Variants in SORCS3 observed in about 807,000 individuals in gnomAD.
The protein encoded by SORCS3 is VPS10 domain-containing receptor SorCS3.
In SORCS3, 57 loss-of-function variants were observed where a neutral mutation model predicts 146.3. The ratio of observed to expected loss-of-function variants is 0.39; its 90% CI spans 0.31 to 0.49. SORCS3 has a LOEUF of 0.49. Among genes scored for constraint, SORCS3 ranks in the 20% least tolerant of loss-of-function variants. The pLI, the probability that SORCS3 is intolerant of heterozygous loss-of-function variation, is 0.92. For missense variants in SORCS3, 1,341 were observed against 1,575.5 expected (o/e 0.85, Z 2.52); for synonymous variants, 653 against 618.5 (o/e 1.06, Z -0.83).
rs1309066140 is a variant in SORCS3, at chr10:105,211,167, C to T, written c.2292C>T (p.Ser764=). ...ATGGGTATGAGAGACATGGGGAGAG[C>T]CAGTGTGTCCCAGCTTTCTGGTACA... ...CDYGYERHGE[S]QCVPAFWYNP... Residue 764 remains serine (S), a synonymous_variant, in exon 17 of 27, where the codon AGC becomes AGT. Coordinates refer to ENST00000369701, the MANE Select transcript of SORCS3 (RefSeq NM_014978.3). The T allele has an allele frequency of 1.2e-6, 2 of 1,613,922 alleles. No individual in the cohort carries two copies. The highest frequency in any genetic ancestry group is 1.7e-6 in the Non-Finnish European group (2 of 1,179,866).
At chr10:104,936,815 C>A (rs554844616) in intron 3 of SORCS3, among the ~76,000 whole-genome samples, 3 of 152,254 alleles carry the variant, frequency 2.0e-5, no homozygotes, top group African/African-American at 7.2e-5. Flanking sequence ...CAACATGGTG[C>A]CAGGTACAGG....
At chr10:104,915,596 G>A (rs180900289) in intron 2 of SORCS3, among the ~76,000 whole-genome samples, 32 of 152,252 alleles carry the variant, frequency 2.1e-4, no homozygotes, top group Non-Finnish European at 4.1e-4. Context: ...ACTTCACAAA[G>A]GGCGAAAAAG....
chr10:104,815,210 A>G (rs938032289), intron 1 of SORCS3, among the ~76,000 whole-genome samples: 11 of 152,174 alleles, frequency 7.2e-5, no homozygotes, highest in Non-Finnish European at 1.2e-4. Context: ...CTCTAATCCC[A>G]GTACTTCAGG....
rs542814758 is a variant in SORCS3, at chr10:104,957,506, G to A, written c.796-19829G>A. Among the ~76,000 whole-genome samples the A allele has an allele frequency of 6.6e-5, 10 of 151,976 alleles. No individual in the cohort carries two copies. The East Asian group carries it at 1.7e-3, about 26-fold the overall frequency. ...TCCTTAATAACAACAAAAAGTTTGC[G>A]AGGGTTTGTGTGGTATTGTTTTCTT... On this transcript the variant is annotated intron_variant, in intron 3 of 26. Coordinates refer to ENST00000369701, the MANE Select transcript of SORCS3 (RefSeq NM_014978.3).
At chr10:104,964,861 C>T (rs1036972821) in intron 3 of SORCS3, among the ~76,000 whole-genome samples, 3 of 152,116 alleles carry the variant, frequency 2.0e-5, no homozygotes, top group African/African-American at 7.2e-5. Flanking sequence ...AACTAAACAA[C>T]AACTCCTCAT....
chr10:104,891,526 T>C (rs1459574752), intron 2 of SORCS3, among the ~76,000 whole-genome samples: 1 of 152,180 alleles, frequency 6.6e-6, no homozygotes, highest in Non-Finnish European at 1.5e-5. Context: ...CTGAAAACTC[T>C]GTCCATGCAG....
At position 104,921,501 on chromosome 10, in the gene SORCS3, C is replaced by CTG. The variant is rs1165735331; in HGVS notation, c.795+5570_795+5571insGT. 9.3e-4 allele frequency among the ~76,000 whole-genome samples: 121 copies of CTG among 130,102 alleles called. 2 individuals are homozygous for CTG. In the East Asian group the frequency reaches 0.019, roughly 21 times the overall value. 85.4% of individuals were successfully genotyped at this position (130,102 alleles called of 152,430 possible). A position where few individuals can be genotyped will look rare whatever the true frequency, so the allele number is the denominator to read the frequency against. On this transcript the variant is annotated intron_variant, in intron 3 of 26. Coordinates refer to ENST00000369701, the MANE Select transcript of SORCS3 (RefSeq NM_014978.3). ...GAGGTACATGTCTCTCTCTCTCTCT[C>CTG]TCTGTGTGTGTGTGTGTGTGTGTGT...
chr10:104,935,313 C>T (rs1362579057), intron 3 of SORCS3, among the ~76,000 whole-genome samples: 1 of 152,200 alleles, frequency 6.6e-6, no homozygotes, highest in African/African-American at 2.4e-5. Context: ...AAGCATGTAT[C>T]ACTGCTTTCA....
chr10:104,882,203 T>A (rs1292212639), intron 2 of SORCS3, among the ~76,000 whole-genome samples: 1 of 152,204 alleles, frequency 6.6e-6, no homozygotes, highest in Non-Finnish European at 1.5e-5. Context: ...ACCTGATACC[T>A]CTGCTTTGTT....
At chr10:104,886,538 A>G (rs892979886) in intron 2 of SORCS3, among the ~76,000 whole-genome samples, 1 of 147,010 alleles carries the variant, frequency 6.8e-6, no homozygotes, top group African/African-American at 2.5e-5. Flanking sequence ...AGTTGTGTAT[A>G]TAATATATAA....
chr10:105,203,425 T>C (rs1409232450), intron 16 of SORCS3, among the ~76,000 whole-genome samples: 1 of 152,164 alleles, frequency 6.6e-6, no homozygotes, highest in Admixed American at 6.6e-5. Context: ...ATTCAGAATA[T>C]TAATTTTAGG....
chr10:105,176,392 A>T (rs201528735), intron 13 of SORCS3, among the ~76,000 whole-genome samples: 2,350 of 149,290 alleles, frequency 0.016, 30 homozygotes, highest in East Asian at 0.067. Flanking sequence ...AAAATAATTA[A>T]AAAAAAAAAA....
intron 4 of SORCS3, among the ~76,000 whole-genome samples, 181 bp from the exon 5 acceptor site, chr10:105,042,874 C>T (rs2055346415): frequency 6.6e-6 from 1 of 152,030 alleles, no homozygotes; most frequent in Non-Finnish European, 1.5e-5. Context: ...TATTGAGAAC[C>T]CACGTAATGC....
chr10:104,710,186 G>GA (rs1001970624), intron 1 of SORCS3, among the ~76,000 whole-genome samples: 6 of 152,114 alleles, frequency 3.9e-5, no homozygotes, highest in African/African-American at 1.4e-4. Flanking sequence ...CCATCTTTCA[G>GA]AAAAAACAGA....
chr10:104,933,156 A>C (rs1378793811), intron 3 of SORCS3, among the ~76,000 whole-genome samples: 2 of 152,214 alleles, frequency 1.3e-5, no homozygotes, highest in Non-Finnish European at 2.9e-5. Flanking sequence ...CCTGAAATGG[A>C]AGCATAGGAA....
Position 104,957,179 on chromosome 10 carries a change from AG to A in SORCS3, c.796-20155del, listed in dbSNP as rs146675387. On this transcript the variant is annotated intron_variant, in intron 3 of 26. Transcript: ENST00000369701. Reference sequence around the variant, plus strand: ...TGGGCTGAGTGCGGGAAGTGAAGAAAGCAAGGTGAAATGTAATTTCCTCTTT... The same window carrying A: ...TGGGCTGAGTGCGGGAAGTGAAGAAACAAGGTGAAATGTAATTTCCTCTTT... 9.2e-3 allele frequency among the ~76,000 whole-genome samples: 1,408 copies of A among 152,306 alleles called. 16 individuals are homozygous for A. Among genetic ancestry groups the A allele is most frequent in the African/African-American group, 0.032 (1,342 of 41,558 alleles).
intron 3 of SORCS3, among the ~76,000 whole-genome samples, chr10:104,945,499 T>G (rs1589560744): frequency 6.6e-6 from 1 of 152,078 alleles, no homozygotes; most frequent in Middle Eastern, 3.4e-3. Flanking sequence ...CTTCGAGTGA[T>G]CCACCTGCCT....
chr10:105,105,327 T>C, intron 6 of SORCS3, 70 bp from the exon 7 acceptor site: 1 of 940,742 alleles, frequency 1.1e-6, no homozygotes, highest in Middle Eastern at 2.1e-4. Flanking sequence ...AAGTAGAGTT[T>C]TGTATGCTAC....
chr10:105,252,662 G>T (rs1407613602), intron 22 of SORCS3, 113 bp from the exon 23 acceptor site: 8 of 1,320,220 alleles, frequency 6.1e-6, no homozygotes, highest in Non-Finnish European at 6.4e-6. Context: ...TGCCTAAAAA[G>T]CTGCATTTGA....
Sources: gnomAD v4.1 joint callset for allele counts (sites outside exome capture counted in the v4.1 genomes callset) on GRCh38, gnomAD v4.1.1 for gene constraint, MANE v1.5 for transcripts, NCBI Gene and HGNC (gene_info 2026-07-23, HGNC 2026-07-21) for gene names.